PDSS2: variants seen among roughly 807,000 people sequenced by gnomAD.
PDSS2 encodes the protein decaprenyl diphosphate synthase subunit 2, also known as all trans-polyprenyl-diphosphate synthase PDSS2.
In PDSS2, 31 loss-of-function variants were observed where a neutral mutation model predicts 44.5. The ratio of observed to expected loss-of-function variants is 0.70; its 90% CI spans 0.52 to 0.94. The LOEUF is 0.94. PDSS2 is among the 40% of genes least tolerant of loss of function. The pLI, the probability that PDSS2 is intolerant of heterozygous loss-of-function variation, is 0.00. For synonymous variants in PDSS2, 157 were observed against 180.3 expected, an observed-to-expected ratio of 0.87 and a Z score of 1.03; for missense variants, 452 against 482.2, an observed-to-expected ratio of 0.94 and a Z score of 0.59.
At chr6:107,306,333 T>C (rs1776858807) in intron 2 of PDSS2, among the ~76,000 whole-genome samples, 1 of 152,138 alleles carries the variant, frequency 6.6e-6, no homozygotes, top group African/African-American at 2.4e-5. Flanking sequence ...TCTGATGGTT[T>C]TGAAAAATGG....
chr6:107,353,512 G>T (rs1052374696), intron 1 of PDSS2, among the ~76,000 whole-genome samples: 2 of 151,948 alleles, frequency 1.3e-5, no homozygotes, highest in African/African-American at 4.8e-5. Flanking sequence ...ACTAAGCATG[G>T]TAAGCCATTG....
At chr6:107,435,609 G>T (rs1294803596) in intron 1 of PDSS2, among the ~76,000 whole-genome samples, 1 of 152,028 alleles carries the variant, frequency 6.6e-6, no homozygotes, top group Non-Finnish European at 1.5e-5. Context: ...ATTTGTGAAG[G>T]TATTATTATT....
intron 4 of PDSS2, among the ~76,000 whole-genome samples, chr6:107,237,127 C>T (rs988689944): frequency 5.3e-5 from 8 of 151,998 alleles, no homozygotes; most frequent in African/African-American, 1.9e-4. Context: ...GAGATGGGTT[C>T]TTGCCATGTT....
At chr6:107,438,880 G>C (rs1781433858) in intron 1 of PDSS2, among the ~76,000 whole-genome samples, 1 of 152,140 alleles carries the variant, frequency 6.6e-6, no homozygotes, top group African/African-American at 2.4e-5. Context: ...TCTCACAACA[G>C]TCATCATGAC....
chr6:107,241,886 C>CT (rs749069563), intron 4 of PDSS2, among the ~76,000 whole-genome samples: 5 of 152,154 alleles, frequency 3.3e-5, no homozygotes, highest in Non-Finnish European at 7.3e-5. Flanking sequence ...CAAAAAAATT[C>CT]TTTTGTGTAC....
At chr6:107,186,418 G>A (rs955357062) in intron 7 of PDSS2, among the ~76,000 whole-genome samples, 3 of 151,872 alleles carry the variant, frequency 2.0e-5, no homozygotes, top group South Asian at 2.1e-4. Context: ...ATCTGAAACC[G>A]ACAAAATTGA....
chr6:107,442,403 C>G (rs988193839), intron 1 of PDSS2, among the ~76,000 whole-genome samples: 1 of 152,106 alleles, frequency 6.6e-6, no homozygotes, highest in Non-Finnish European at 1.5e-5. Flanking sequence ...GGCAACAGAG[C>G]AAGACTCCAT....
intron 3 of PDSS2, among the ~76,000 whole-genome samples, chr6:107,266,908 G>C (rs1775428492): frequency 6.6e-6 from 1 of 151,886 alleles, no homozygotes; most frequent in Non-Finnish European, 1.5e-5. Flanking sequence ...CACTGTACTT[G>C]AACCACATTG....
At chr6:107,347,951 T>C (rs1292142982) in intron 1 of PDSS2, among the ~76,000 whole-genome samples, 1 of 152,128 alleles carries the variant, frequency 6.6e-6, no homozygotes, top group African/African-American at 2.4e-5. Flanking sequence ...GGACTTCATC[T>C]CAGGATGCCA....
At chr6:107,171,905 C>A (rs1306004770) in intron 7 of PDSS2, among the ~76,000 whole-genome samples, 8 of 152,208 alleles carry the variant, frequency 5.3e-5, no homozygotes, top group African/African-American at 1.7e-4. Flanking sequence ...AAGAACTTTC[C>A]AAATCTTCAA....
At chr6:107,223,313 T>C (rs2114691459) in intron 4 of PDSS2, among the ~76,000 whole-genome samples, 1 of 151,146 alleles carries the variant, frequency 6.6e-6, no homozygotes, top group Admixed American at 6.6e-5. Flanking sequence ...GCAGATCACC[T>C]GAGCTCAGGA....
chr6:107,173,572 C>CAAAAAAAAAAAAAAAAAAAAAAA (rs71012783), intron 7 of PDSS2, among the ~76,000 whole-genome samples: 1 of 41,512 alleles, frequency 2.4e-5, no homozygotes, highest in African/African-American at 1.3e-4. Context: ...GACTCTGTCT[C>CAAAAAAAAAAAAAAAAAAAAAAA]AAAAAAAAAA....
intron 1 of PDSS2, among the ~76,000 whole-genome samples, chr6:107,427,934 C>G (rs1781057138): frequency 6.6e-6 from 1 of 152,208 alleles, no homozygotes; most frequent in African/African-American, 2.4e-5. Context: ...TATTTAGAGA[C>G]AGCTGTTTCT....
Position 107,154,051 on chromosome 6 carries a change from G to A in PDSS2, c.*568C>T, listed in dbSNP as rs1399436234. On this transcript the variant is annotated 3_prime_UTR_variant, in exon 8 of 8. Coordinates refer to ENST00000369037, the MANE Select transcript of PDSS2 (RefSeq NM_020381.4). ...AACTGCACCATTGCACTCCAGCCTG[G>A]GCAACAAGAGCAAAACTACATCTAA... The A allele has an allele frequency of 1.3e-5, 2 of 154,452 alleles. No homozygotes were observed. The highest frequency in any genetic ancestry group is 4.8e-5 in the African/African-American group (2 of 41,360). The allele number at this position is 154,452 out of a possible 1,614,324, so 9.6% of individuals were successfully genotyped here.
rs544302157 is a variant in PDSS2 at position 107,369,922 on chromosome 6, C to T, written c.297-35590G>A. On this transcript the variant is annotated intron_variant, in intron 1 of 7. Transcript: ENST00000369037. ...GGGAGGCTGAGGTGAGAGGATCACT[C>T]GAGCCCAGGAGGTCAGGGCTGCAGT... 1.1e-4 allele frequency among the ~76,000 whole-genome samples: 16 copies of T among 151,814 alleles called. No individual in the cohort carries two copies. In the East Asian group the frequency reaches 2.7e-3, roughly 26 times the overall value.
chr6:107,290,747 G>A (rs1776317209), intron 2 of PDSS2, among the ~76,000 whole-genome samples: 1 of 152,064 alleles, frequency 6.6e-6, no homozygotes. Context: ...TCTACATAAG[G>A]CCTTCCCTGG....
chr6:107,344,765 G>C (rs1451845755), intron 1 of PDSS2, among the ~76,000 whole-genome samples: 4 of 152,244 alleles, frequency 2.6e-5, no homozygotes, highest in African/African-American at 9.6e-5. Flanking sequence ...AAATATAACT[G>C]AAATTAAAAA....
At chr6:107,247,839 TA>T (rs10648723) in intron 3 of PDSS2, among the ~76,000 whole-genome samples, 6 of 88,036 alleles carry the variant, frequency 6.8e-5, no homozygotes, top group Non-Finnish European at 1.2e-4. Context: ...CTGTCTCTAC[TA>T]AAAAAAAAAA....
intron 1 of PDSS2, among the ~76,000 whole-genome samples, chr6:107,358,616 T>C (rs1186240817): frequency 6.6e-6 from 1 of 152,124 alleles, no homozygotes; most frequent in Non-Finnish European, 1.5e-5. Flanking sequence ...GCAGAAATGA[T>C]GAAAAATTTG....
Sources: allele counts gnomAD v4.1 joint callset (sites outside exome capture counted in the v4.1 genomes callset), GRCh38; gene constraint gnomAD v4.1.1; transcripts MANE v1.5; gene names NCBI Gene and HGNC (gene_info 2026-07-23, HGNC 2026-07-21).